The following IGSF10 variants were observed in gnomAD, a reference collection of about 807,000 sequenced individuals.
IGSF10 encodes the protein calvaria mechanical force protein 608.
Under a neutral mutation model 128.2 loss-of-function variants are expected in IGSF10, and 126 were observed. The observed-to-expected ratio is 0.98, with a 90% confidence interval of 0.85 to 1.14. The LOEUF (loss-of-function observed/expected upper bound fraction) is 1.14. Ranked by LOEUF, IGSF10 falls within the 50% of genes most tolerant of loss-of-function variation. The pLI is 0.00. For synonymous variants in IGSF10, 1,185 were observed against 1,146.2 expected (o/e 1.03, Z -0.68); for missense variants, 3,295 against 3,149.8 (o/e 1.05, Z -1.10).
chr3:151,498,747 G>A, the IGSF10 span, among the ~76,000 whole-genome samples: 10 of 152,214 alleles, frequency 6.6e-5, no homozygotes, highest in South Asian at 2.1e-3. Flanking sequence ...GCTGAATAAG[G>A]ATGTCCTGCT....
Position 151,443,770 on chromosome 3 carries a change from G to A in IGSF10, c.5177C>T (p.Ser1726Phe), listed in dbSNP as rs754265367. 2 of 1,614,012 alleles carry A rather than the reference G, an allele frequency of 1.2e-6. No homozygotes were observed. The highest frequency in any genetic ancestry group is 1.3e-5 in the African/African-American group (1 of 74,888). The change falls in exon 7 of 8, where the codon TCC (serine) becomes TTC (phenylalanine). Residue 1726 changes from serine to phenylalanine, a missense_variant. Transcript: ENST00000282466. ...QDRGQYLCSA[S>F]NLFGTDHLHV... ...AAGGTGGTCTGTGCCAAACAGATTG[G>A]ATGCGGAACACAAGTACTGTCCGCG... is the stretch of plus-strand genomic sequence containing the variant.
chr3:151,553,075 G>A, the IGSF10 span, among the ~76,000 whole-genome samples: 47 of 151,912 alleles, frequency 3.1e-4, no homozygotes, highest in Admixed American at 2.2e-3. Flanking sequence ...TATAATAAAT[G>A]TAGCTTTATA....
the IGSF10 span, among the ~76,000 whole-genome samples, chr3:151,501,666 T>G: frequency 6.6e-6 from 1 of 152,170 alleles, no homozygotes; most frequent in Admixed American, 6.6e-5. Flanking sequence ...TACAGAATTT[T>G]AGAGATTTTG....
chr3:151,534,931 T>C, the IGSF10 span, among the ~76,000 whole-genome samples: 1 of 151,844 alleles, frequency 6.6e-6, no homozygotes, highest in African/African-American at 2.4e-5. Context: ...TCTGTCACAG[T>C]AGTTACAAGC....
At chr3:151,573,658 TG>T in the IGSF10 span, among the ~76,000 whole-genome samples, 1 of 152,102 alleles carries the variant, frequency 6.6e-6, no homozygotes, top group African/African-American at 2.4e-5. Context: ...ACACAGCACA[TG>T]GATGGGTCTT....
rs756960450 is a variant in IGSF10 at position 151,436,922 on chromosome 3, G to A, written c.7639C>T (p.Gln2547Ter). 8.1e-6 allele frequency: 13 copies of A among 1,614,052 alleles called. No individual in the cohort carries two copies. The highest frequency in any genetic ancestry group is 1.1e-5 in the Non-Finnish European group (13 of 1,180,022). The change falls in exon 8 of 8, where the codon CAG (glutamine) becomes TAG (stop). Residue 2547 changes from glutamine to a stop codon, truncating the protein, a stop_gained. Transcript: ENST00000282466. LOFTEE classifies it low-confidence loss of function (END_TRUNC). Reference protein sequence around the residue: ...SIVTRTGAAFQLHCVALGVPK... With the variant: ...SIVTRTGAAF ...ACTCCCAAGGCCACACAGTGGAGCT[G>A]AAAGGCTGCCCCTGTCCTGGTGACA...
At chr3:151,514,153 C>T in the IGSF10 span, among the ~76,000 whole-genome samples, 26 of 152,074 alleles carry the variant, frequency 1.7e-4, no homozygotes, top group East Asian at 1.5e-3. Context: ...AAAAAGAGCC[C>T]GCATTGCCAA....
At chr3:151,574,141 C>T in the IGSF10 span, among the ~76,000 whole-genome samples, 1 of 152,126 alleles carries the variant, frequency 6.6e-6, no homozygotes, top group African/African-American at 2.4e-5. Context: ...TCTCTGGCTG[C>T]CCTTAACATT....
chr3:151,535,762 T>C, the IGSF10 span, among the ~76,000 whole-genome samples: 3 of 152,230 alleles, frequency 2.0e-5, no homozygotes, highest in African/African-American at 4.8e-5. Flanking sequence ...TTAACTTTTT[T>C]GGGCTGCATT....
At chr3:151,586,050 G>T in the IGSF10 span, among the ~76,000 whole-genome samples, 3 of 150,802 alleles carry the variant, frequency 2.0e-5, no homozygotes, top group Non-Finnish European at 4.4e-5. Flanking sequence ...TGTGATCACA[G>T]CTCACTGCAA....
At chr3:151,563,660 G>A in the IGSF10 span, among the ~76,000 whole-genome samples, 1 of 152,010 alleles carries the variant, frequency 6.6e-6, no homozygotes, top group South Asian at 2.1e-4. Context: ...CTAGTTTAAA[G>A]CACTGGAGAG....
the IGSF10 span, among the ~76,000 whole-genome samples, chr3:151,577,847 C>T: frequency 2.0e-5 from 3 of 152,044 alleles, no homozygotes; most frequent in Non-Finnish European, 4.4e-5. Flanking sequence ...GTGAGCTCAC[C>T]TGGGGTAAAG....
At chr3:151,509,618 G>A in the IGSF10 span, among the ~76,000 whole-genome samples, 664 of 152,296 alleles carry the variant, frequency 4.4e-3, 11 homozygotes, top group Non-Finnish European at 1.1e-3. Flanking sequence ...GGGGAGTGCC[G>A]GACAGTGTGT....
the IGSF10 span, among the ~76,000 whole-genome samples, chr3:151,480,286 C>A: frequency 2.0e-5 from 3 of 152,126 alleles, no homozygotes; most frequent in Non-Finnish European, 2.9e-5. Flanking sequence ...AAGGAAACAC[C>A]TTTCCCTCAC....
chr3:151,530,315 C>T, the IGSF10 span, among the ~76,000 whole-genome samples: 2 of 152,064 alleles, frequency 1.3e-5, no homozygotes, highest in African/African-American at 4.8e-5. Flanking sequence ...AGGAGAACTT[C>T]CCCAACCTAG....
rs1197376193 is a variant in IGSF10 at position 151,438,339 on chromosome 3, C to G, written c.6222G>C (p.Leu2074Phe). The G allele has an allele frequency of 1.2e-6, 2 of 1,614,206 alleles. No individual in the cohort carries two copies. Among genetic ancestry groups the G allele is most frequent in the Non-Finnish European group, 1.7e-6 (2 of 1,180,028 alleles). ...GSPVPEISWS[L>F]PDGTMINNAM... is the part of the protein sequence containing the mutation. ...CATTGTTGATCATGGTTCCATCAGG[C>G]AAACTCCAAGATATCTCTGGCACTG... The change falls in exon 8 of 8, where the codon TTG becomes TTC. Residue 2074 changes from leucine (L) to phenylalanine (F), a missense_variant. Coordinates refer to ENST00000282466, the MANE Select transcript of IGSF10 (RefSeq NM_178822.5).
the IGSF10 span, among the ~76,000 whole-genome samples, chr3:151,483,231 A>G: frequency 6.6e-6 from 1 of 152,212 alleles, no homozygotes; most frequent in African/African-American, 2.4e-5. Context: ...CAAAAATAAC[A>G]AAAGCTACAA....
chr3:151,538,318 A>T, the IGSF10 span, among the ~76,000 whole-genome samples: 1 of 152,200 alleles, frequency 6.6e-6, no homozygotes, highest in Non-Finnish European at 1.5e-5. Flanking sequence ...TTTAATTATT[A>T]ACTAAAAGCT....
chr3:151,486,063 G>A, the IGSF10 span, among the ~76,000 whole-genome samples: 8 of 152,140 alleles, frequency 5.3e-5, no homozygotes, highest in Admixed American at 1.3e-4. Flanking sequence ...CCCATCTCAC[G>A]TGCAAAGACT....
Sources: gnomAD v4.1 joint callset for allele counts (sites outside exome capture counted in the v4.1 genomes callset) on GRCh38, gnomAD v4.1.1 for gene constraint, MANE v1.5 for transcripts, NCBI Gene and HGNC (gene_info 2026-07-23, HGNC 2026-07-21) for gene names.